LARGE1: variants seen among roughly 807,000 people sequenced by gnomAD.
LARGE1 encodes the protein LARGE xylosyl- and glucuronyltransferase 1.
A neutral mutation model predicts 87.6 loss-of-function variants in LARGE1; 43 were observed. That is an observed-to-expected ratio of 0.49 (90% CI 0.38 to 0.63). LARGE1 has a LOEUF of 0.63. Among genes scored for constraint, LARGE1 ranks in the 30% least tolerant of loss-of-function variants. The pLI is 0.00. For synonymous variants in LARGE1, 434 were observed against 394.6 expected, an observed-to-expected ratio of 1.10 and a Z score of -1.18; for missense variants, 802 against 1,000.2, an observed-to-expected ratio of 0.80 and a Z score of 2.67.
At chr22:33,429,994 G>C (rs1171031783) in intron 7 of LARGE1, among the ~76,000 whole-genome samples, 1 of 152,138 alleles carries the variant, frequency 6.6e-6, no homozygotes, top group Non-Finnish European at 1.5e-5. Context: ...AAACATCCTA[G>C]AGGCTTCCTA....
At chr22:33,237,043 A>G (rs1254115783) in intron 11 of LARGE1, among the ~76,000 whole-genome samples, 2 of 152,250 alleles carry the variant, frequency 1.3e-5, no homozygotes, top group Non-Finnish European at 1.5e-5. Context: ...GAATTGGACC[A>G]TAATGGTGTT....
chr22:33,628,150 C>G (rs976548820), intron 3 of LARGE1, among the ~76,000 whole-genome samples: 1 of 152,152 alleles, frequency 6.6e-6, no homozygotes, highest in Non-Finnish European at 1.5e-5. Context: ...ATCATGAAAG[C>G]TAGTATGTAG....
chr22:33,621,498 G>A (rs1319754523), intron 4 of LARGE1, among the ~76,000 whole-genome samples: 1 of 152,152 alleles, frequency 6.6e-6, no homozygotes, highest in African/African-American at 2.4e-5. Context: ...ACCAAATCTT[G>A]TCTGGAAAAT....
intron 9 of LARGE1, among the ~76,000 whole-genome samples, chr22:33,341,785 C>T (rs1054205492): frequency 6.6e-6 from 1 of 152,154 alleles, no homozygotes; most frequent in East Asian, 1.9e-4. Context: ...CCTGTTTCCT[C>T]AAGTGCAAGG....
At chr22:33,710,867 C>T (rs2267268) in intron 2 of LARGE1, among the ~76,000 whole-genome samples, 4 of 151,918 alleles carry the variant, frequency 2.6e-5, no homozygotes, top group African/African-American at 4.8e-5. Context: ...TTAGAGTACA[C>T]GATAAATGCT....
At chr22:33,582,219 C>G (rs1204728228) in intron 5 of LARGE1, among the ~76,000 whole-genome samples, 2 of 152,212 alleles carry the variant, frequency 1.3e-5, no homozygotes, top group Non-Finnish European at 2.9e-5. Flanking sequence ...AAAAAACTAT[C>G]TGGCCCAGAA....
the LARGE1 span, among the ~76,000 whole-genome samples, chr22:33,127,713 G>A: frequency 6.6e-6 from 1 of 152,172 alleles, no homozygotes; most frequent in African/African-American, 2.4e-5. Flanking sequence ...ATAATAAGGA[G>A]GGTATGATAA....
chr22:33,634,866 C>T (rs1039421241), intron 3 of LARGE1, among the ~76,000 whole-genome samples: 12 of 151,514 alleles, frequency 7.9e-5, no homozygotes, highest in Non-Finnish European at 1.2e-4. Flanking sequence ...ATGGTGCTCA[C>T]GCCTGTAATC....
At chr22:33,864,219 T>C (rs1227043261) in intron 1 of LARGE1, among the ~76,000 whole-genome samples, 1 of 152,190 alleles carries the variant, frequency 6.6e-6, no homozygotes, top group Non-Finnish European at 1.5e-5. Flanking sequence ...TAAGGGGCTC[T>C]CATTTACTTC....
rs79566528 is a variant in LARGE1, at chr22:33,597,483, G to C, written c.615+6952C>G. Reference sequence around the variant, plus strand: ...GAGTCTGCCTCCTAAAGGACGGCAGGGGGCTGGAAGATTACAGTTCTCTAA... The same window carrying C: ...GAGTCTGCCTCCTAAAGGACGGCAGCGGGCTGGAAGATTACAGTTCTCTAA... On this transcript the variant is annotated intron_variant, in intron 5 of 14. Coordinates refer to ENST00000397394, the MANE Select transcript of LARGE1 (RefSeq NM_133642.5). Among the ~76,000 whole-genome samples the C allele has an allele frequency of 6.4e-3, 981 of 152,166 alleles. 17 individuals carry two copies. The highest frequency in any genetic ancestry group is 0.022 in the African/African-American group (930 of 41,518).
chr22:33,239,759 G>A (rs1229621415), intron 11 of LARGE1, among the ~76,000 whole-genome samples: 2 of 151,696 alleles, frequency 1.3e-5, no homozygotes, highest in Admixed American at 6.6e-5. Flanking sequence ...GGTTGGTCTC[G>A]AACTCCTGAC....
intron 1 of LARGE1, among the ~76,000 whole-genome samples, chr22:33,826,280 A>C (rs1016835480): frequency 2.0e-5 from 3 of 151,136 alleles, no homozygotes; most frequent in Admixed American, 6.6e-5. Flanking sequence ...TGGCTGCATG[A>C]CTGCAGTCTC....
chr22:33,756,642 C>T (rs1486564238), intron 2 of LARGE1, among the ~76,000 whole-genome samples: 1 of 152,102 alleles, frequency 6.6e-6, no homozygotes, highest in African/African-American at 2.4e-5. Flanking sequence ...TCTGGCGTGG[C>T]TGGGTAGAGG....
At chr22:33,544,030 A>G (rs150857921) in intron 6 of LARGE1, among the ~76,000 whole-genome samples, 369 of 152,322 alleles carry the variant, frequency 2.4e-3, no homozygotes, top group Non-Finnish European at 3.7e-3. Flanking sequence ...CCAGCCCCCA[A>G]TAAAAATCCT....
intron 1 of LARGE1, among the ~76,000 whole-genome samples, chr22:33,863,707 G>A (rs376109950): frequency 6.6e-6 from 1 of 152,000 alleles, no homozygotes; most frequent in East Asian, 1.9e-4. Flanking sequence ...GGCGGAGGTT[G>A]CAGTGAGCCG....
chr22:33,361,456 G>A lies in LARGE1; in HGVS notation c.1131+20463C>T, dbSNP rs1417184113. Among the ~76,000 whole-genome samples the A allele has an allele frequency of 1.3e-5, 2 of 149,250 alleles. 1 individual carries two copies. The highest frequency in any genetic ancestry group is 3.0e-5 in the Non-Finnish European group (2 of 67,022). Reference sequence around the variant, plus strand: ...GTGTGCATCTATTTCTTCTTAACTTGCATTTGGGTTTCCACTCTTTCTCGT... The same window carrying A: ...GTGTGCATCTATTTCTTCTTAACTTACATTTGGGTTTCCACTCTTTCTCGT... On this transcript the variant is annotated intron_variant, in intron 9 of 14. Coordinates refer to ENST00000397394, the MANE Select transcript of LARGE1 (RefSeq NM_133642.5).
intron 4 of LARGE1, among the ~76,000 whole-genome samples, chr22:33,615,809 T>C (rs2079565515): frequency 6.6e-6 from 1 of 152,182 alleles, no homozygotes; most frequent in Non-Finnish European, 1.5e-5. Flanking sequence ...AAAGATACTT[T>C]ACAGCTCAAA....
chr22:33,089,900 A>G, the LARGE1 span, among the ~76,000 whole-genome samples: 1 of 152,184 alleles, frequency 6.6e-6, no homozygotes. Context: ...CATTCCACAA[A>G]TACTTACTGA....
intron 11 of LARGE1, among the ~76,000 whole-genome samples, chr22:33,171,960 C>A (rs1922599270): frequency 6.6e-6 from 1 of 152,240 alleles, no homozygotes. Flanking sequence ...TCAATGCCAG[C>A]CTGTGAAAGC....
Sources: allele counts gnomAD v4.1 joint callset (sites outside exome capture counted in the v4.1 genomes callset), GRCh38; gene constraint gnomAD v4.1.1; transcripts MANE v1.5; gene names NCBI Gene and HGNC (gene_info 2026-07-23, HGNC 2026-07-21).